TNR: variants seen among roughly 807,000 people sequenced by gnomAD.
TNR encodes tenascin-R.
In TNR, 45 loss-of-function variants were observed where a neutral mutation model predicts 150.4. That is an observed-to-expected ratio of 0.30 (90% CI 0.24 to 0.38). TNR has a LOEUF of 0.38. Among genes scored for constraint, TNR ranks in the 10% least tolerant of loss-of-function variants. TNR has a pLI of 1.00. For missense variants in TNR, 1,544 were observed against 1,759.1 expected, an observed-to-expected ratio of 0.88 and a Z score of 2.19; for synonymous variants, 687 against 678.4, an observed-to-expected ratio of 1.01 and a Z score of -0.20.
Position 175,554,300 on chromosome 1 carries a change from C to T in TNR, c.-164-25931G>A, listed in dbSNP as rs1044539037. Among the ~76,000 whole-genome samples the T allele has an allele frequency of 1.4e-4, 20 of 138,926 alleles. 1 individual carries two copies. Among genetic ancestry groups the T allele is most frequent in the Admixed American group, 1.1e-3 (15 of 13,110 alleles). 91.1% of individuals were successfully genotyped at this position (138,926 alleles called of 152,430 possible). On this transcript the variant is annotated intron_variant, in intron 1 of 22. Transcript: ENST00000367674. Reference sequence around the variant, plus strand: ...ATGAGTGCACAAATACATGCTTATACATCTTCCTAAGGGATTAACAAAAAG... The same window carrying T: ...ATGAGTGCACAAATACATGCTTATATATCTTCCTAAGGGATTAACAAAAAG...
chr1:175,440,466 G>A (rs1045349579), intron 2 of TNR, among the ~76,000 whole-genome samples: 7 of 151,442 alleles, frequency 4.6e-5, no homozygotes, highest in African/African-American at 1.7e-4. Context: ...CATGGCACAT[G>A]TATATACATA....
intron 18 of TNR, among the ~76,000 whole-genome samples, chr1:175,351,277 T>A (rs1651038777): frequency 6.6e-6 from 1 of 152,208 alleles, no homozygotes; most frequent in African/African-American, 2.4e-5. Context: ...TAATAAAATT[T>A]GCTCTTGGGC....
intron 1 of TNR, among the ~76,000 whole-genome samples, chr1:175,682,425 C>T (rs1403181635): frequency 6.6e-6 from 1 of 152,174 alleles, no homozygotes; most frequent in Non-Finnish European, 1.5e-5. Context: ...AGGGTGCAGC[C>T]TCCAGAGCCT....
chr1:175,541,214 G>A (rs1044796646), intron 1 of TNR, among the ~76,000 whole-genome samples: 2 of 152,152 alleles, frequency 1.3e-5, no homozygotes, highest in Non-Finnish European at 2.9e-5. Context: ...CATTTTCCAA[G>A]TTGTGTTGCA....
chr1:175,504,013 G>T (rs958430014), intron 2 of TNR, among the ~76,000 whole-genome samples: 1 of 152,182 alleles, frequency 6.6e-6, no homozygotes, highest in African/African-American at 2.4e-5. Context: ...GGCGGATGCT[G>T]CAATGGGCTG....
intron 1 of TNR, among the ~76,000 whole-genome samples, chr1:175,545,984 G>A (rs999697662): frequency 6.6e-6 from 1 of 152,030 alleles, no homozygotes; most frequent in Non-Finnish European, 1.5e-5. Context: ...TGGCTTCCTG[G>A]AGAGTGGAAT....
At chr1:175,344,639 C>A (rs1234385196) in intron 18 of TNR, among the ~76,000 whole-genome samples, 1 of 152,024 alleles carries the variant, frequency 6.6e-6, no homozygotes, top group Admixed American at 6.6e-5. Flanking sequence ...CACCACATCC[C>A]CAAAGTTGTG....
intron 1 of TNR, among the ~76,000 whole-genome samples, chr1:175,668,182 T>C (rs1367371054): frequency 1.3e-5 from 2 of 152,190 alleles, no homozygotes; most frequent in African/African-American, 2.4e-5. Flanking sequence ...GGGCATCTCT[T>C]GTGTACCATC....
intron 1 of TNR, among the ~76,000 whole-genome samples, chr1:175,633,163 C>G (rs1367621358): frequency 6.6e-6 from 1 of 152,194 alleles, no homozygotes; most frequent in East Asian, 1.9e-4. Flanking sequence ...CTGGTTCAAA[C>G]CTACATCCAT....
At chr1:175,616,622 G>A (rs1352903948) in intron 1 of TNR, among the ~76,000 whole-genome samples, 1 of 152,178 alleles carries the variant, frequency 6.6e-6, no homozygotes, top group Non-Finnish European at 1.5e-5. Context: ...CAGGCAAGGA[G>A]GGCTGTGCTC....
intron 8 of TNR, among the ~76,000 whole-genome samples, chr1:175,381,420 TA>T (rs1314186474): frequency 6.6e-6 from 1 of 152,222 alleles, no homozygotes; most frequent in Non-Finnish European, 1.5e-5. Context: ...TTTTTGATCA[TA>T]GGGGTTGTGG....
chr1:175,531,798 C>T (rs913304391), intron 1 of TNR, among the ~76,000 whole-genome samples: 2 of 152,240 alleles, frequency 1.3e-5, no homozygotes, highest in African/African-American at 2.4e-5. Flanking sequence ...TTTCCTTCCT[C>T]ATCAAGTGCT....
At chr1:175,530,621 T>C (rs1660024477) in intron 1 of TNR, among the ~76,000 whole-genome samples, 1 of 152,250 alleles carries the variant, frequency 6.6e-6, no homozygotes, top group Non-Finnish European at 1.5e-5. Flanking sequence ...TTGCTTTGAC[T>C]TAACATACAA....
chr1:175,356,351 G>T lies in TNR; in HGVS notation c.3086C>A (p.Thr1029Asn). The change falls in exon 16 of 23, where the codon ACC becomes AAC. Residue 1029 changes from threonine to asparagine, a missense_variant. Physicochemically the swap from Thr to Asn is moderately conservative, Grantham distance 65 (BLOSUM62 0). Transcript: ENST00000367674. ...AAAGTTGGTGCTGATGGTGCCACTGGTGAGAGGTCCATTGGTGGCATACAT... is the reference window on the plus strand; with the variant it reads ...AAAGTTGGTGCTGATGGTGCCACTGTTGAGAGGTCCATTGGTGGCATACAT... ...ATMYATNGPLTSGTISTNFST... is the reference protein window; with the variant it reads ...ATMYATNGPLNSGTISTNFST... 2 of 1,614,060 alleles carry T rather than the reference G, an allele frequency of 1.2e-6. No individual in the cohort carries two copies. Among genetic ancestry groups the T allele is most frequent in the Non-Finnish European group, 1.7e-6 (2 of 1,179,952 alleles).
intron 2 of TNR, among the ~76,000 whole-genome samples, chr1:175,514,391 C>G (rs769075336): frequency 2.6e-5 from 4 of 152,208 alleles, no homozygotes; most frequent in Non-Finnish European, 5.9e-5. Context: ...GCCCTGCCAA[C>G]ACCTTGGCAA....
At chr1:175,470,919 A>G (rs1488499197) in intron 2 of TNR, among the ~76,000 whole-genome samples, 2 of 152,074 alleles carry the variant, frequency 1.3e-5, no homozygotes, top group Non-Finnish European at 2.9e-5. Flanking sequence ...CCACTGGCCA[A>G]TGAAGAGGTT....
At chr1:175,349,187 G>A (rs982296181) in intron 18 of TNR, among the ~76,000 whole-genome samples, 4 of 152,174 alleles carry the variant, frequency 2.6e-5, no homozygotes, top group African/African-American at 9.7e-5. Context: ...GGCAGTACAT[G>A]GTTAAACTAT....
At chr1:175,675,067 G>A (rs1157056999) in intron 1 of TNR, among the ~76,000 whole-genome samples, 1 of 152,134 alleles carries the variant, frequency 6.6e-6, no homozygotes, top group African/African-American at 2.4e-5. Flanking sequence ...GGGTGAGGTG[G>A]GGACTCTGAC....
At chr1:175,375,477 G>GA (rs1553211213) in intron 9 of TNR, among the ~76,000 whole-genome samples, 1 of 90,190 alleles carries the variant, frequency 1.1e-5, no homozygotes, top group South Asian at 3.0e-4. Flanking sequence ...AGAGAATAAT[G>GA]GGGGGGGAGT....
Sources: allele counts gnomAD v4.1 joint callset (sites outside exome capture counted in the v4.1 genomes callset), GRCh38; gene constraint gnomAD v4.1.1; transcripts MANE v1.5; gene names NCBI Gene and HGNC (gene_info 2026-07-23, HGNC 2026-07-21).